Variants in PHLDB2 observed in about 807,000 individuals in gnomAD.
PHLDB2 encodes pleckstrin homology like domain family B member 2.
A neutral mutation model predicts 123.6 loss-of-function variants in PHLDB2; 71 were observed. The observed-to-expected ratio is 0.57, with a 90% CI of 0.47 to 0.70. The LOEUF (loss-of-function observed/expected upper bound fraction) is 0.70, where lower values mean the gene tolerates loss of function less well. Among genes scored for constraint, PHLDB2 ranks in the 30% least tolerant of loss-of-function variants. The pLI is 0.00. For missense variants in PHLDB2, 1,446 were observed against 1,519.5 expected (o/e 0.95, Z 0.80); for synonymous variants, 547 against 541.6 (o/e 1.01, Z -0.14).
chr3:111,911,773 G>A, intron 2 of PHLDB2: 1 of 1,477,462 alleles, frequency 6.8e-7, no homozygotes, highest in Non-Finnish European at 9.1e-7. Context: ...TCAAGCTATT[G>A]CTCTTTTGTT....
rs185177601 is a variant in PHLDB2 at position 111,761,111 on chromosome 3, G to A, written c.-49+28408G>A. On this transcript the variant is annotated intron_variant, in intron 1 of 17. Coordinates refer to the PHLDB2 transcript ENST00000393923. The stretch of plus-strand genomic sequence containing the variant: ...GAGGAAGGAGAATCACCTGAACCCC[G>A]GAGGTGGAGGTTGCAGTGAGCTAAG... Among the ~76,000 whole-genome samples the A allele has an allele frequency of 6.5e-3, 989 of 151,324 alleles. 4 individuals carry two copies. The highest frequency in any genetic ancestry group is 0.014 in the Middle Eastern group (4 of 294).
At chr3:111,942,878 G>A (rs2070002663) in intron 8 of PHLDB2, among the ~76,000 whole-genome samples, 2 of 151,046 alleles carry the variant, frequency 1.3e-5, no homozygotes, top group African/African-American at 4.9e-5. Context: ...TTAAGTAAGT[G>A]TCTTCAAACG....
chr3:111,774,419 G>T (rs946192288), intron 1 of PHLDB2, among the ~76,000 whole-genome samples: 2 of 152,178 alleles, frequency 1.3e-5, no homozygotes, highest in Non-Finnish European at 2.9e-5. Context: ...CTATCTCCTG[G>T]AAGTTAATGG....
chr3:111,904,908 C>T (rs912480365), intron 2 of PHLDB2, among the ~76,000 whole-genome samples: 23 of 152,156 alleles, frequency 1.5e-4, no homozygotes, highest in Admixed American at 5.9e-4. Context: ...CATAGATGAA[C>T]AGTCATGCAT....
At chr3:111,752,222 GTGTGTGTGTGTGTGTGTGTCTGTGTC>G (rs2059790223) in intron 1 of PHLDB2, among the ~76,000 whole-genome samples, 1 of 141,454 alleles carries the variant, frequency 7.1e-6, no homozygotes, top group Non-Finnish European at 1.5e-5. Context: ...GTTTCTAAGT[GTGTGTGTGTGTGTGTGTGTCTGTGTC>G]TGTGTGTGTG....
chr3:111,807,616 G>A (rs191866341), intron 1 of PHLDB2, among the ~76,000 whole-genome samples: 134 of 152,208 alleles, frequency 8.8e-4, no homozygotes, highest in African/African-American at 2.2e-3. Flanking sequence ...TTACACGCCT[G>A]TAGTCCTGTA....
chr3:111,919,108 G>A lies in PHLDB2; in HGVS notation c.1756G>A (p.Glu586Lys), dbSNP rs374852351. The change falls in exon 4 of 18, where the codon GAG becomes AAG. Residue 586 changes from glutamate (E) to lysine (K), a missense_variant. Glu to Lys is a moderately conservative substitution (Grantham distance 56). Around this residue, in one of 3 missense-constraint regions of PHLDB2, gnomAD observed 832 missense variants for 831.9 expected, o/e 1.00. Transcript: ENST00000431670. The part of the protein sequence containing the change: ...EGISEEQRSQ[E>K]LAAMEETRIV... ...TATAAGTGAAGAACAGAGATCTCAG[G>A]AGTTGGCTGCAATGGAAGAAACCCG... 5 of 1,613,942 alleles carry A rather than the reference G, an allele frequency of 3.1e-6. No homozygotes were observed. In the African/African-American group the frequency reaches 6.7e-5, roughly 22 times the overall value.
At chr3:111,780,321 G>GGAA (rs776116547) in intron 1 of PHLDB2, among the ~76,000 whole-genome samples, 34 of 3,676 alleles carry the variant, frequency 9.2e-3, no homozygotes, top group African/African-American at 0.016. Context: ...AAGAGGAAGA[G>GGAA]GAAGAAGAAG....
intron 2 of PHLDB2, among the ~76,000 whole-genome samples, chr3:111,896,572 A>G (rs1233765613): frequency 1.3e-5 from 2 of 152,104 alleles, no homozygotes; most frequent in African/African-American, 4.8e-5. Flanking sequence ...GCTGGTCTGG[A>G]ACTCCTGACC....
chr3:111,789,382 A>G (rs554971113), intron 1 of PHLDB2, among the ~76,000 whole-genome samples: 1 of 152,356 alleles, frequency 6.6e-6, no homozygotes, highest in South Asian at 2.1e-4. Flanking sequence ...ATAGTTGGTT[A>G]CATAATTGGC....
chr3:111,771,287 T>C (rs924806345), intron 1 of PHLDB2, among the ~76,000 whole-genome samples: 1 of 152,158 alleles, frequency 6.6e-6, no homozygotes, highest in Non-Finnish European at 1.5e-5. Context: ...TAGCTTCTGG[T>C]GGTTTTCTGT....
At position 111,814,659 on chromosome 3, in the gene PHLDB2, T is replaced by G. The variant is rs571099460; in HGVS notation, c.-48-31162T>G. ...AAAAAAAAAAGCAGAGAGGTGGGGG[T>G]TGGCTTATGATTCTAGTGGCTGGAA... is the stretch of plus-strand genomic sequence containing the variant. On this transcript the variant is annotated intron_variant, in intron 1 of 17. Coordinates refer to the PHLDB2 transcript ENST00000393923. 9.9e-4 allele frequency among the ~76,000 whole-genome samples: 145 copies of G among 145,928 alleles called. 1 individual carries two copies. In the South Asian group the frequency reaches 0.03, roughly 31 times the overall value.
At chr3:111,962,876 C>T (rs1186373478) in intron 13 of PHLDB2, among the ~76,000 whole-genome samples, 1 of 147,050 alleles carries the variant, frequency 6.8e-6, no homozygotes, top group Non-Finnish European at 1.5e-5. Flanking sequence ...TTACAGTGAG[C>T]CAAAACTGTG....
rs573070751 is a variant in PHLDB2, at chr3:111,848,302, A to AC, written c.67+2373dup. ...TGAATTATTCATCAAGGGTAAGGTT[A>AC]CCCCCCGCCACCTGCCACTAGGGAT... On this transcript the variant is annotated intron_variant, in intron 2 of 17. Transcript: ENST00000393923. Among the ~76,000 whole-genome samples, 7 of 152,064 alleles carry AC rather than the reference A, an allele frequency of 4.6e-5. No individual in the cohort carries two copies. The East Asian group carries it at 1.2e-3, about 25-fold the overall frequency.
At chr3:111,900,236 C>T (rs1035408152) in intron 2 of PHLDB2, among the ~76,000 whole-genome samples, 4 of 152,170 alleles carry the variant, frequency 2.6e-5, no homozygotes, top group African/African-American at 7.2e-5. Context: ...ATCATTTGTG[C>T]GTGAAGAATC....
At chr3:111,872,661 C>T (rs2108715478) in intron 1 of PHLDB2, among the ~76,000 whole-genome samples, 1 of 152,298 alleles carries the variant, frequency 6.6e-6, no homozygotes, top group East Asian at 1.9e-4. Context: ...ATGACTGGTC[C>T]ACATTTCCTA....
chr3:111,911,551 C>T, intron 2 of PHLDB2: 5 of 1,409,510 alleles, frequency 3.5e-6, no homozygotes, highest in Non-Finnish European at 2.9e-6. Context: ...CTGAGGTGGG[C>T]AGGGCTTGGC....
chr3:111,899,339 T>A (rs2067056153), intron 2 of PHLDB2, among the ~76,000 whole-genome samples: 1 of 152,234 alleles, frequency 6.6e-6, no homozygotes, highest in South Asian at 2.1e-4. Flanking sequence ...GGTAAACATA[T>A]GCCATGATGG....
chr3:111,784,036 G>T (rs577496554), intron 1 of PHLDB2, among the ~76,000 whole-genome samples: 2 of 152,222 alleles, frequency 1.3e-5, no homozygotes, highest in East Asian at 3.9e-4. Flanking sequence ...TGATCACCCT[G>T]CCTGGTGTCA....
Sources: gnomAD v4.1 joint callset for allele counts (sites outside exome capture counted in the v4.1 genomes callset) on GRCh38, gnomAD v4.1.1 for gene constraint, gnomAD v4.1.1 regional missense constraint, MANE v1.5 for transcripts, NCBI Gene and HGNC (gene_info 2026-07-23, HGNC 2026-07-21) for gene names.